The following PLEKHG1 variants were observed in gnomAD, a reference collection of about 807,000 sequenced individuals.
PLEKHG1 encodes the protein pleckstrin homology and RhoGEF domain containing G1.
A neutral mutation model predicts 100.8 loss-of-function variants in PLEKHG1; 44 were observed. The ratio of observed to expected loss-of-function variants is 0.44; its 90% CI spans 0.34 to 0.56. The LOEUF (loss-of-function observed/expected upper bound fraction) is 0.56, where lower values mean the gene tolerates loss of function less well. Ranked by LOEUF, PLEKHG1 falls within the 20% of genes least tolerant of loss-of-function variation. PLEKHG1 has a pLI of 0.01. For synonymous variants in PLEKHG1, 640 were observed against 662.5 expected, an observed-to-expected ratio of 0.97 and a Z score of 0.52; for missense variants, 1,545 against 1,720.9, an observed-to-expected ratio of 0.90 and a Z score of 1.81.
At chr6:150,610,796 T>C (rs965430355) in intron 1 of PLEKHG1, among the ~76,000 whole-genome samples, 2 of 152,248 alleles carry the variant, frequency 1.3e-5, no homozygotes, top group Admixed American at 6.5e-5. Context: ...TATAGGTCTA[T>C]AATAAATGTG....
intron 3 of PLEKHG1, among the ~76,000 whole-genome samples, chr6:150,695,905 T>A (rs1286814288): frequency 6.6e-6 from 1 of 152,152 alleles, no homozygotes; most frequent in Non-Finnish European, 1.5e-5. Context: ...TAAGTAGATG[T>A]TGTTAAGTCA....
exon 6 of PLEKHG1, chr6:150,800,854 T>C: frequency 6.2e-7 from 1 of 1,614,040 alleles, no homozygotes; most frequent in Non-Finnish European, 8.5e-7. Context: ...TTCTCAAGTA[T>C]CATCTCCTTC....
At chr6:150,692,041 GC>G (rs761583005) in intron 3 of PLEKHG1, among the ~76,000 whole-genome samples, 5 of 152,352 alleles carry the variant, frequency 3.3e-5, no homozygotes, top group Non-Finnish European at 7.3e-5. Context: ...GTTTGAGGAA[GC>G]CTGGTTAGGC....
intron 3 of PLEKHG1, among the ~76,000 whole-genome samples, chr6:150,712,890 T>A (rs1404971127): frequency 7.2e-5 from 11 of 152,252 alleles, no homozygotes; most frequent in African/African-American, 2.4e-4. Flanking sequence ...CTTTTAATTT[T>A]AATTGAAGGA....
At chr6:150,777,743 C>CGT (rs1554271968) in intron 3 of PLEKHG1, among the ~76,000 whole-genome samples, 8 of 137,386 alleles carry the variant, frequency 5.8e-5, no homozygotes, top group African/African-American at 1.9e-4. Context: ...TCCTGGTGCA[C>CGT]GTGTGGTTGC....
intron 3 of PLEKHG1, among the ~76,000 whole-genome samples, chr6:150,685,506 C>G (rs1173392332): frequency 6.6e-6 from 1 of 152,192 alleles, no homozygotes; most frequent in African/African-American, 2.4e-5. Context: ...GGCTGCCCCT[C>G]TGAGATGGTG....
chr6:150,735,237 C>T (rs762088365), intron 2 of PLEKHG1, among the ~76,000 whole-genome samples: 10 of 151,560 alleles, frequency 6.6e-5, no homozygotes, highest in East Asian at 2.0e-4. Context: ...CCTCCTGCCT[C>T]GGCCTCCCAA....
intron 3 of PLEKHG1, among the ~76,000 whole-genome samples, chr6:150,704,057 T>TTC (rs113198981): frequency 0.042 from 6,449 of 152,214 alleles, 435 homozygotes; most frequent in African/African-American, 0.15. Flanking sequence ...AATAACAACT[T>TTC]TATCGGTGCT....
At chr6:150,758,991 C>T (rs528638287) in intron 2 of PLEKHG1, among the ~76,000 whole-genome samples, 3 of 152,196 alleles carry the variant, frequency 2.0e-5, no homozygotes, top group African/African-American at 4.8e-5. Context: ...GAGAGCTGAT[C>T]GAATGCGTCT....
chr6:150,653,556 A>C (rs1778837490), intron 3 of PLEKHG1, among the ~76,000 whole-genome samples: 1 of 152,140 alleles, frequency 6.6e-6, no homozygotes, highest in Non-Finnish European at 1.5e-5. Context: ...CAGCCTGGGC[A>C]ATATGGCAAC....
intron 3 of PLEKHG1, among the ~76,000 whole-genome samples, chr6:150,701,457 A>C (rs1426918540): frequency 2.5e-5 from 2 of 80,294 alleles, no homozygotes; most frequent in Non-Finnish European, 4.1e-5. Context: ...ATATATATAT[A>C]TATATATATA....
At chr6:150,632,418 C>T (rs1230882637) in intron 1 of PLEKHG1, among the ~76,000 whole-genome samples, 3 of 152,222 alleles carry the variant, frequency 2.0e-5, no homozygotes, top group Admixed American at 1.3e-4. Flanking sequence ...ACCGGACACA[C>T]CTAGGGCTGC....
intron 1 of PLEKHG1, among the ~76,000 whole-genome samples, chr6:150,721,448 T>A (rs945793913): frequency 6.6e-6 from 1 of 152,220 alleles, no homozygotes; most frequent in Non-Finnish European, 1.5e-5. Flanking sequence ...CAATAGTTTT[T>A]GTCTTAGTTT....
intron 4 of PLEKHG1, among the ~76,000 whole-genome samples, chr6:150,792,610 G>C (rs984529646): frequency 1.3e-5 from 2 of 151,792 alleles, no homozygotes. Context: ...AGAGGCAAAG[G>C]CTGCAGTGAA....
chr6:150,749,910 A>G (rs530561812), intron 2 of PLEKHG1, among the ~76,000 whole-genome samples: 624 of 152,130 alleles, frequency 4.1e-3, no homozygotes, highest in Non-Finnish European at 6.6e-3. Flanking sequence ...CGTCTCTACT[A>G]AAAAGACAAA....
Position 150,841,014 on chromosome 6 carries a change from A to C in PLEKHG1, c.*118A>C, listed in dbSNP as rs779974754. 6.1e-6 allele frequency: 5 copies of C among 815,522 alleles called. No individual in the cohort carries two copies. The East Asian group carries it at 1.0e-4, about 17-fold the overall frequency. 50.5% of individuals were successfully genotyped at this position (815,522 alleles called of 1,614,324 possible). A position where few individuals can be genotyped will look rare whatever the true frequency, so the allele number is the denominator to read the frequency against. On this transcript the variant is annotated 3_prime_UTR_variant, in exon 16 of 16. Transcript: ENST00000358517. Reference sequence around the variant, plus strand: ...ACAATTTTGTAAGAACCAGAGGTGTAAAATATACTTTCTTTTACAGCACAA... The same window carrying C: ...ACAATTTTGTAAGAACCAGAGGTGTCAAATATACTTTCTTTTACAGCACAA...
At chr6:150,653,250 A>G (rs1223016457) in intron 3 of PLEKHG1, among the ~76,000 whole-genome samples, 1 of 152,172 alleles carries the variant, frequency 6.6e-6, no homozygotes, top group Non-Finnish European at 1.5e-5. Flanking sequence ...AACATATAAT[A>G]TGGAACCTAG....
chr6:150,777,088 C>T (rs542899201), intron 3 of PLEKHG1, among the ~76,000 whole-genome samples: 11 of 148,642 alleles, frequency 7.4e-5, no homozygotes, highest in African/African-American at 2.5e-4. Context: ...AATCCTGGTG[C>T]ACATGTGCGG....
chr6:150,674,676 T>TC (rs1562427750), intron 3 of PLEKHG1, among the ~76,000 whole-genome samples: 4 of 141,144 alleles, frequency 2.8e-5, no homozygotes, highest in Non-Finnish European at 6.2e-5. Flanking sequence ...TCTCTCTCTC[T>TC]CTCTCTCCCC....
Sources: gnomAD v4.1 joint callset for allele counts (sites outside exome capture counted in the v4.1 genomes callset) on GRCh38, gnomAD v4.1.1 for gene constraint, MANE v1.5 for transcripts, NCBI Gene and HGNC (gene_info 2026-07-23, HGNC 2026-07-21) for gene names.